FOXN3: variants seen among roughly 807,000 people sequenced by gnomAD.
FOXN3 encodes forkhead box N3.
In FOXN3, 7 loss-of-function variants were observed where a neutral mutation model predicts 38.4. The ratio of observed to expected loss-of-function variants is 0.18; its 90% CI spans 0.10 to 0.34. FOXN3 has a LOEUF of 0.34. FOXN3 is among the 10% of genes least tolerant of loss of function. The probability of loss-of-function intolerance (pLI) is 1.00; values close to 1 mark genes in which losing one functional copy is unlikely to be tolerated. For synonymous variants in FOXN3, 230 were observed against 242.2 expected (o/e 0.95, Z 0.47); for missense variants, 456 against 613.4 (o/e 0.74, Z 2.71).
intron 1 of FOXN3, among the ~76,000 whole-genome samples, chr14:89,549,692 A>G (rs1596314525): frequency 6.6e-6 from 1 of 152,272 alleles, no homozygotes; most frequent in Admixed American, 6.5e-5. Flanking sequence ...TCAAACATCC[A>G]TAACAGAATC....
At chr14:89,472,581 C>T (rs1301444911) in intron 1 of FOXN3, among the ~76,000 whole-genome samples, 7 of 151,806 alleles carry the variant, frequency 4.6e-5, no homozygotes, top group Admixed American at 3.9e-4. Context: ...ATTAGCTGGG[C>T]GTGGTGGCGG....
intron 1 of FOXN3, among the ~76,000 whole-genome samples, chr14:89,416,616 T>C (rs1393171405): frequency 6.6e-6 from 1 of 152,030 alleles, no homozygotes; most frequent in Non-Finnish European, 1.5e-5. Context: ...CCAACTCTGT[T>C]CCTTGCGGGC....
chr14:89,595,821 T>C (rs1036054073), intron 1 of FOXN3, among the ~76,000 whole-genome samples: 1 of 152,242 alleles, frequency 6.6e-6, no homozygotes, highest in Admixed American at 6.5e-5. Flanking sequence ...TTTTTTACTT[T>C]TTAATGATGT....
At chr14:89,487,305 G>A (rs983372209) in intron 1 of FOXN3, among the ~76,000 whole-genome samples, 19 of 152,168 alleles carry the variant, frequency 1.2e-4, no homozygotes, top group African/African-American at 4.6e-4. Flanking sequence ...ACAAATCAAC[G>A]AACTCTCTAA....
rs1354875572 is a variant in FOXN3 at position 89,449,129 on chromosome 14, TGACA to T, written c.-14-36643_-14-36640del. On this transcript the variant is annotated intron_variant, in intron 1 of 6. Coordinates refer to the FOXN3 transcript ENST00000345097. ...AAGCACAAAAATCTTTCATGTGTTC[TGACA>T]GACAAAGTACCCTCTAAATTCAATG... Among the ~76,000 whole-genome samples the T allele has an allele frequency of 2.6e-5, 4 of 152,300 alleles. No individual in the cohort carries two copies. The East Asian group carries it at 7.7e-4, about 29-fold the overall frequency.
chr14:89,609,351 C>T (rs534712667), intron 1 of FOXN3, among the ~76,000 whole-genome samples: 8 of 152,104 alleles, frequency 5.3e-5, no homozygotes, highest in Non-Finnish European at 1.2e-4. Context: ...CACAGGTGCA[C>T]ACCACCACGC....
At position 89,157,739 on chromosome 14, in the gene FOXN3, A is replaced by G. The variant is rs1420390650; in HGVS notation, c.*4675T>C. 6.6e-6 allele frequency: 1 copy of G among 152,658 alleles called. No homozygotes were observed. The highest frequency in any genetic ancestry group is 1.5e-5 in the Non-Finnish European group (1 of 68,042). The allele number at this position is 152,658 out of a possible 1,614,324, so 9.5% of individuals were successfully genotyped here. A position where few individuals can be genotyped will look rare whatever the true frequency, so the allele number is the denominator to read the frequency against. ...GCAAAAGTGTTGATGTATATTATAT[A>G]TAGTAGTATAAATAATAAAAAAGTA... On this transcript the variant is annotated 3_prime_UTR_variant, in exon 6 of 6. Coordinates refer to ENST00000557258, the MANE Select transcript of FOXN3 (RefSeq NM_005197.4).
At chr14:89,248,584 T>C (rs1434862329) in intron 4 of FOXN3, among the ~76,000 whole-genome samples, 2 of 152,244 alleles carry the variant, frequency 1.3e-5, no homozygotes, top group Admixed American at 6.5e-5. Flanking sequence ...GGATTTCTTC[T>C]GGAAGAAAAG....
intron 2 of FOXN3, among the ~76,000 whole-genome samples, chr14:89,398,170 T>C (rs1891148367): frequency 6.6e-6 from 1 of 152,224 alleles, no homozygotes. Context: ...CTCTGTAGCC[T>C]TCCTGGTCTC....
chr14:89,597,265 AT>A (rs1471190386), intron 1 of FOXN3, among the ~76,000 whole-genome samples: 2 of 152,034 alleles, frequency 1.3e-5, no homozygotes, highest in Non-Finnish European at 2.9e-5. Flanking sequence ...TTTCATTTAT[AT>A]TTTTTGTAAT....
chr14:89,335,131 AC>A (rs2139991978), intron 3 of FOXN3, among the ~76,000 whole-genome samples: 1 of 151,518 alleles, frequency 6.6e-6, no homozygotes, highest in South Asian at 2.1e-4. Flanking sequence ...ACAAATGGTA[AC>A]TATATGAGGT....
At position 89,435,766 on chromosome 14, in the gene FOXN3, G is replaced by A. The variant is rs73327074; in HGVS notation, c.-14-23276C>T. On this transcript the variant is annotated intron_variant, in intron 1 of 6. Coordinates refer to the FOXN3 transcript ENST00000345097. ...GTGACTCTGGCTTCTGCCAACACCA[G>A]CTCCCTTTGAATCCAAATTAAACCT... 1.3e-3 allele frequency among the ~76,000 whole-genome samples: 205 copies of A among 152,288 alleles called. 1 individual carries two copies. The highest frequency in any genetic ancestry group is 4.6e-3 in the African/African-American group (190 of 41,556).
intron 3 of FOXN3, among the ~76,000 whole-genome samples, chr14:89,345,439 A>G (rs1199319437): frequency 6.6e-6 from 1 of 151,790 alleles, no homozygotes. Context: ...CCCTGATGTT[A>G]ACACCATATA....
chr14:89,599,256 T>C (rs1364529820), intron 1 of FOXN3, among the ~76,000 whole-genome samples: 1 of 152,326 alleles, frequency 6.6e-6, no homozygotes, highest in East Asian at 1.9e-4. Context: ...AATTCACCCA[T>C]TGTAAGTACA....
At chr14:89,589,206 C>T (rs1487129601) in intron 1 of FOXN3, among the ~76,000 whole-genome samples, 1 of 152,112 alleles carries the variant, frequency 6.6e-6, no homozygotes, top group Non-Finnish European at 1.5e-5. Flanking sequence ...GAGACCAAAA[C>T]ACTCTTGCCC....
At chr14:89,570,645 T>C (rs1451087543) in intron 1 of FOXN3, among the ~76,000 whole-genome samples, 1 of 152,104 alleles carries the variant, frequency 6.6e-6, no homozygotes, top group Non-Finnish European at 1.5e-5. Flanking sequence ...CCAACACACA[T>C]TTGTAAACTC....
intron 1 of FOXN3, among the ~76,000 whole-genome samples, chr14:89,583,775 G>T (rs1321413996): frequency 2.0e-5 from 3 of 152,038 alleles, no homozygotes; most frequent in Admixed American, 2.0e-4. Context: ...GGCCAGGCTG[G>T]TCTTAAACTC....
At chr14:89,472,388 T>C (rs568459502) in intron 1 of FOXN3, among the ~76,000 whole-genome samples, 1 of 152,248 alleles carries the variant, frequency 6.6e-6, no homozygotes, top group South Asian at 2.1e-4. Flanking sequence ...GACCTTCTTC[T>C]TCCAAGTTGG....
intron 1 of FOXN3, among the ~76,000 whole-genome samples, chr14:89,516,042 G>C (rs1894192960): frequency 6.6e-6 from 1 of 152,096 alleles, no homozygotes; most frequent in African/African-American, 2.4e-5. Flanking sequence ...GGTGTGGAGG[G>C]AAAAAAGCAA....
Sources: gnomAD v4.1 joint callset for allele counts (sites outside exome capture counted in the v4.1 genomes callset) on GRCh38, gnomAD v4.1.1 for gene constraint, MANE v1.5 for transcripts, NCBI Gene and HGNC (gene_info 2026-07-23, HGNC 2026-07-21) for gene names.